The following ROBO2 variants were observed in gnomAD, a reference collection of about 807,000 sequenced individuals.
ROBO2 encodes roundabout guidance receptor 2, also known as roundabout homolog 2.
ROBO2 carries 53 observed loss-of-function variants against 160.8 expected under a neutral mutation model. That is an observed-to-expected ratio of 0.33 (90% CI 0.26 to 0.41). The LOEUF (loss-of-function observed/expected upper bound fraction) is 0.41. ROBO2 is among the 10% of genes least tolerant of loss of function. ROBO2 has a pLI of 1.00. For synonymous variants in ROBO2, 664 were observed against 611.7 expected (o/e 1.09, Z -1.26); for missense variants, 1,577 against 1,722.4 (o/e 0.92, Z 1.49).
chr3:75,972,688 T>G (rs1464375686), intron 2 of ROBO2, among the ~76,000 whole-genome samples: 1 of 151,650 alleles, frequency 6.6e-6, no homozygotes, highest in Non-Finnish European at 1.5e-5. Context: ...ACATCAGTAT[T>G]ACATTGAGAC....
intron 2 of ROBO2, among the ~76,000 whole-genome samples, chr3:76,866,482 T>A (rs2148651003): frequency 6.6e-6 from 1 of 152,276 alleles, no homozygotes; most frequent in African/African-American, 2.4e-5. Flanking sequence ...ATTGACAAAC[T>A]TTAATTGCAT....
At chr3:76,842,897 A>G (rs1331177922) in intron 2 of ROBO2, among the ~76,000 whole-genome samples, 1 of 152,052 alleles carries the variant, frequency 6.6e-6, no homozygotes, top group African/African-American at 2.4e-5. Context: ...CTGCTTTTCT[A>G]TTCAAGAAGC....
At chr3:76,769,213 A>C (rs1489683934) in intron 2 of ROBO2, among the ~76,000 whole-genome samples, 1 of 151,432 alleles carries the variant, frequency 6.6e-6, no homozygotes, top group African/African-American at 2.4e-5. Flanking sequence ...GTTAAAATGT[A>C]AATGAAAAAC....
chr3:76,511,355 C>T (rs989484752), intron 2 of ROBO2, among the ~76,000 whole-genome samples: 1 of 152,166 alleles, frequency 6.6e-6, no homozygotes, highest in Non-Finnish European at 1.5e-5. Context: ...GTTTCACAAA[C>T]ATTTTGTACC....
At chr3:76,878,813 C>T (rs1047624093) in intron 2 of ROBO2, among the ~76,000 whole-genome samples, 19 of 152,058 alleles carry the variant, frequency 1.2e-4, no homozygotes, top group Admixed American at 1.2e-3. Context: ...ACAAGATAGC[C>T]ATCAAAAATC....
At chr3:76,476,086 G>A (rs1166078058) in intron 2 of ROBO2, among the ~76,000 whole-genome samples, 3 of 152,174 alleles carry the variant, frequency 2.0e-5, no homozygotes, top group South Asian at 4.1e-4. Flanking sequence ...CCCGGAGGTG[G>A]AGGTTTCAGT....
At chr3:76,293,027 A>G (rs1708884896) in intron 2 of ROBO2, among the ~76,000 whole-genome samples, 1 of 151,654 alleles carries the variant, frequency 6.6e-6, no homozygotes. Flanking sequence ...TTTAAGTGGC[A>G]TTGTTAGGAT....
chr3:76,227,596 A>C (rs552551621), intron 2 of ROBO2, among the ~76,000 whole-genome samples: 1 of 152,330 alleles, frequency 6.6e-6, no homozygotes, highest in African/African-American at 2.4e-5. Flanking sequence ...TTTTAAAACT[A>C]TATGTTTCCT....
In ROBO2 at chr3:76,092,145, A is replaced by G. The variant is rs149283780; in HGVS notation, c.109+154543A>G. Among the ~76,000 whole-genome samples the G allele has an allele frequency of 1.3e-3, 205 of 152,212 alleles. No homozygotes were observed. In the South Asian group the frequency reaches 0.023, roughly 17 times the overall value. On this transcript the variant is annotated intron_variant, in intron 2 of 26. Coordinates refer to the ROBO2 transcript ENST00000487694. ...CTGATGTGGGATATGTGGGATGTTG[A>G]TAGTGTGGGACGTTGCGCATGTGTG...
At chr3:77,505,893 A>G (rs185581586) in intron 5 of ROBO2, among the ~76,000 whole-genome samples, 229 of 152,318 alleles carry the variant, frequency 1.5e-3, no homozygotes, top group African/African-American at 5.3e-3. Context: ...CTAGTAAAAC[A>G]TATTTAAAAA....
At chr3:75,941,032 C>G (rs6783148) in intron 2 of ROBO2, among the ~76,000 whole-genome samples, 5,615 of 152,210 alleles carry the variant, frequency 0.037, 297 homozygotes, top group African/African-American at 0.12. Flanking sequence ...TTCATATGGT[C>G]CTCTCATCTC....
At chr3:76,049,221 T>C (rs2107804631) in intron 2 of ROBO2, among the ~76,000 whole-genome samples, 1 of 151,494 alleles carries the variant, frequency 6.6e-6, no homozygotes, top group African/African-American at 2.4e-5. Context: ...ATTTTCTGTT[T>C]TTTTGAGACA....
Position 75,993,346 on chromosome 3 carries a change from T to C in ROBO2, c.109+55744T>C, listed in dbSNP as rs572859620. Among the ~76,000 whole-genome samples the C allele has an allele frequency of 3.9e-5, 6 of 152,112 alleles. No homozygotes were observed. In the South Asian group the frequency reaches 1.2e-3, roughly 31 times the overall value. On this transcript the variant is annotated intron_variant, in intron 2 of 26. Transcript: ENST00000487694. ...AATAAGTCTCATGAGATCTGATGGT[T>C]TTAAAAAGAAGAATTCCCCTGCACA... is the stretch of plus-strand genomic sequence containing the variant.
intron 2 of ROBO2, among the ~76,000 whole-genome samples, chr3:76,172,627 A>G (rs2073085740): frequency 6.6e-6 from 1 of 152,006 alleles, no homozygotes; most frequent in Non-Finnish European, 1.5e-5. Flanking sequence ...GAACATACTG[A>G]CAACTAAGAA....
At chr3:77,198,894 C>T (rs2082557196) in intron 2 of ROBO2, among the ~76,000 whole-genome samples, 1 of 151,752 alleles carries the variant, frequency 6.6e-6, no homozygotes, top group African/African-American at 2.4e-5. Flanking sequence ...CAGGGCGAGA[C>T]TCTGTCCTAA....
intron 23 of ROBO2, among the ~76,000 whole-genome samples, chr3:77,625,464 C>A (rs1425564297): frequency 1.3e-5 from 2 of 151,782 alleles, no homozygotes; most frequent in East Asian, 3.9e-4. Flanking sequence ...TGCAACCTAT[C>A]CCTCTCGGGT....
chr3:75,947,427 G>A (rs1253361133), intron 2 of ROBO2, among the ~76,000 whole-genome samples: 4 of 152,070 alleles, frequency 2.6e-5, no homozygotes, highest in South Asian at 4.1e-4. Context: ...TTATAAGTAC[G>A]TGTTACATTT....
chr3:77,510,455 T>A (rs942936742), intron 5 of ROBO2, among the ~76,000 whole-genome samples: 3 of 151,948 alleles, frequency 2.0e-5, no homozygotes, highest in Non-Finnish European at 4.4e-5. Context: ...ACCTCAGATT[T>A]CAAAGGCAGA....
At chr3:75,961,494 T>A (rs912907164) in intron 2 of ROBO2, among the ~76,000 whole-genome samples, 3 of 151,684 alleles carry the variant, frequency 2.0e-5, no homozygotes, top group African/African-American at 7.2e-5. Flanking sequence ...AGATTACAGG[T>A]TAAAGTTTGA....
Sources: allele counts gnomAD v4.1 joint callset (sites outside exome capture counted in the v4.1 genomes callset), GRCh38; gene constraint gnomAD v4.1.1; transcripts MANE v1.5; gene names NCBI Gene and HGNC (gene_info 2026-07-23, HGNC 2026-07-21).